FAM237A: variants seen among roughly 807,000 people sequenced by gnomAD.
FAM237A encodes the protein protein FAM237A.
Under a neutral mutation model 12.5 loss-of-function variants are expected in FAM237A, and 14 were observed. That is an observed-to-expected ratio of 1.12 (90% CI 0.74 to 1.75). The LOEUF (loss-of-function observed/expected upper bound fraction) is 1.75. FAM237A is among the 40% of genes most tolerant of loss of function. FAM237A has a pLI of 0.00. For missense variants in FAM237A, 240 were observed against 211.7 expected (o/e 1.13, Z -0.83); for synonymous variants, 85 against 77.5 (o/e 1.10, Z -0.51).
At chr2:206,647,200 T>C (rs1559300593) in intron 2 of FAM237A, among the ~76,000 whole-genome samples, 1 of 152,232 alleles carries the variant, frequency 6.6e-6, no homozygotes, top group Non-Finnish European at 1.5e-5. Context: ...CCATCAGTTC[T>C]TTCAACTGAA....
chr2:206,644,144 TA>T (rs1699286703), intron 1 of FAM237A, 82 bp from the exon 2 acceptor site: 1 of 1,245,318 alleles, frequency 8.0e-7, no homozygotes, highest in South Asian at 1.7e-5. Context: ...TTGCTGGAAG[TA>T]AGGTTATTAA....
chr2:206,643,889 A>G (rs1234303098), intron 1 of FAM237A, among the ~76,000 whole-genome samples: 2 of 152,208 alleles, frequency 1.3e-5, no homozygotes, highest in African/African-American at 4.8e-5. Context: ...CATGCAGCAA[A>G]ATTTTAAATG....
At chr2:206,643,453 T>C (rs1371076282) in intron 1 of FAM237A, 2 of 152,178 alleles carry the variant, frequency 1.3e-5, no homozygotes, top group Non-Finnish European at 1.5e-5. Context: ...AAGTGGTATG[T>C]AGATGACTCA....
chr2:206,643,327 G>A (rs1001254571), intron 1 of FAM237A: 3 of 152,130 alleles, frequency 2.0e-5, no homozygotes, highest in Non-Finnish European at 4.4e-5. Flanking sequence ...TGTATAGTCT[G>A]TGAAGGAATA....
At position 206,644,494 on chromosome 2, in the gene FAM237A, G is replaced by C. The variant is rs1409261590; in HGVS notation, c.258G>C (p.Lys86Asn). Residue 86 changes from lysine to asparagine, a missense_variant, in exon 2 of 3, where the codon AAG becomes AAC. Lys to Asn is a moderately conservative substitution (Grantham distance 94, BLOSUM62 0). Coordinates refer to ENST00000441223, the MANE Select transcript of FAM237A (RefSeq NM_001102659.3). The stretch of plus-strand genomic sequence containing the variant: ...ACCTGAAGTCATCTGAGAACTTGAA[G>C]CATGGAGCACTGTTTTGGGATCTGG... Reference protein sequence around the residue: ...MIYLKSSENLKHGALFWDLAQ... With the variant: ...MIYLKSSENLNHGALFWDLAQ... 6.2e-7 allele frequency: 1 copy of C among 1,614,036 alleles called. No homozygotes were observed.
rs767368341 is a variant in FAM237A at position 206,644,383 on chromosome 2, C to T, written c.147C>T (p.Cys49=). Residue 49 remains cysteine, a synonymous_variant, in exon 2 of 3, where the codon TGC becomes TGT. Coordinates refer to ENST00000441223, the MANE Select transcript of FAM237A (RefSeq NM_001102659.3). ...CTCTTAGCCAAGCTGATCCTCAGTG[C>T]TGGGAATCCTCCTCAGTGCTTCTCC... ...LLALSQADPQ[C]WESSSVLLLE... is the part of the protein sequence containing the mutation. 8.7e-6 allele frequency: 14 copies of T among 1,613,720 alleles called. No individual in the cohort carries two copies. Among genetic ancestry groups the T allele is most frequent in the Admixed American group, 3.3e-5 (2 of 59,976 alleles).
At chr2:206,646,823 T>A (rs555437716) in intron 2 of FAM237A, among the ~76,000 whole-genome samples, 1 of 152,320 alleles carries the variant, frequency 6.6e-6, no homozygotes, top group Admixed American at 6.5e-5. Flanking sequence ...CCTGCATGGA[T>A]CCTCCAATAT....
chr2:206,644,156 G>A (rs1699286861), intron 1 of FAM237A, 71 bp from the exon 2 acceptor site: 1 of 1,340,340 alleles, frequency 7.5e-7, no homozygotes, highest in Non-Finnish European at 1.0e-6. Flanking sequence ...AGGTTATTAA[G>A]GGCATACTTA....
In FAM237A at chr2:206,648,861, T is replaced by C; in HGVS notation, c.*67T>C. ...ATATATATAACATTTTTCTTAACTA[T>C]TGATTATTTATTTATTTTAAATGGT... On this transcript the variant is annotated 3_prime_UTR_variant, in exon 3 of 3. Coordinates refer to ENST00000441223, the MANE Select transcript of FAM237A (RefSeq NM_001102659.3). The C allele has an allele frequency of 8.3e-7, 1 of 1,211,110 alleles. No homozygotes were observed. The highest frequency in any genetic ancestry group is 1.1e-6 in the Non-Finnish European group (1 of 921,382). 75.0% of individuals were successfully genotyped at this position (1,211,110 alleles called of 1,614,324 possible). A position where few individuals can be genotyped will look rare whatever the true frequency, so the allele number is the denominator to read the frequency against.
chr2:206,649,364 C>T lies in FAM237A; in HGVS notation c.*570C>T, dbSNP rs918713479. On this transcript the variant is annotated 3_prime_UTR_variant, in exon 3 of 3. Coordinates refer to ENST00000441223, the MANE Select transcript of FAM237A (RefSeq NM_001102659.3). ...CAAAATTAATAAAAGCTCTGGACCC[C>T]AGGTAATGTTATTGGAGTCTCTTTA... is the stretch of plus-strand genomic sequence containing the variant. Among the ~76,000 whole-genome samples the T allele has an allele frequency of 3.9e-5, 6 of 152,150 alleles. No homozygotes were observed. The highest frequency in any genetic ancestry group is 1.4e-4 in the African/African-American group (6 of 41,436).
intron 2 of FAM237A, among the ~76,000 whole-genome samples, chr2:206,647,173 C>G (rs1444254830): frequency 1.3e-5 from 2 of 152,080 alleles, no homozygotes; most frequent in African/African-American, 4.8e-5. Context: ...TAACCGTGAG[C>G]AAGTTAACTA....
Position 206,642,795 on chromosome 2 carries a change from G to A in FAM237A, c.-11+213G>A, listed in dbSNP as rs1357838277. On this transcript the variant is annotated intron_variant, in intron 1 of 2. Transcript: ENST00000441223. This position sits in a 1 kb window ranked among gnomAD's most constrained non-coding sequence, Gnocchi z 5.1. Reference sequence around the variant, plus strand: ...AGGGGACCTAAAGGAGCCAATTTGAGCGCCGTGGCGCCAGCAGACAGGGAG... The same window carrying A: ...AGGGGACCTAAAGGAGCCAATTTGAACGCCGTGGCGCCAGCAGACAGGGAG... Among the ~76,000 whole-genome samples the A allele has an allele frequency of 6.6e-6, 1 of 152,220 alleles. No homozygotes were observed. The highest frequency in any genetic ancestry group is 1.5e-5 in the Non-Finnish European group (1 of 68,040).
chr2:206,644,452 C>G lies in FAM237A; in HGVS notation c.216C>G (p.Phe72Leu). ...KPRVSNTVSGFWDFMIYLKSS... is the reference protein window; with the variant it reads ...KPRVSNTVSGLWDFMIYLKSS... Reference sequence around the variant, plus strand: ...GCGTTTCCAACACTGTTTCAGGCTTCTGGGATTTTATGATCTACCTGAAGT... The same window carrying G: ...GCGTTTCCAACACTGTTTCAGGCTTGTGGGATTTTATGATCTACCTGAAGT... Residue 72 changes from phenylalanine (F) to leucine (L), a missense_variant, in exon 2 of 3, where the codon TTC becomes TTG. Transcript: ENST00000441223. The G allele has an allele frequency of 6.2e-7, 1 of 1,613,948 alleles. No individual in the cohort carries two copies. Among genetic ancestry groups the G allele is most frequent in the Non-Finnish European group, 8.5e-7 (1 of 1,179,868 alleles).
intron 2 of FAM237A, 91 bp downstream of exon 2, chr2:206,644,739 A>C: frequency 1.1e-5 from 14 of 1,225,962 alleles, no homozygotes; most frequent in Non-Finnish European, 1.6e-5. Flanking sequence ...CATTAGGGGA[A>C]TCCAGTGTCA....
chr2:206,647,668 G>C (rs3955321), intron 2 of FAM237A, among the ~76,000 whole-genome samples: 61,332 of 137,304 alleles, frequency 0.45, 13,088 homozygotes, highest in East Asian at 0.62. Flanking sequence ...CACACACACA[G>C]AGAGAGTGTG....
rs1559301048 is a variant in FAM237A at position 206,648,749 on chromosome 2, G to C, written c.501G>C (p.Gly167=). 6.4e-7 allele frequency: 1 copy of C among 1,556,834 alleles called. No homozygotes were observed. The highest frequency in any genetic ancestry group is 1.2e-5 in the South Asian group (1 of 83,120). The change falls in exon 3 of 3, where the codon GGG becomes GGC. Residue 167 remains glycine (G), a synonymous_variant. Coordinates refer to ENST00000441223, the MANE Select transcript of FAM237A (RefSeq NM_001102659.3). ...DLISMHVRRS[G]SSVIGKVNLE... ...TAAGCATGCATGTGCGTAGGAGTGGGTCTAGTGTCATTGGAAAAGTGAACC... is the reference window on the plus strand; with the variant it reads ...TAAGCATGCATGTGCGTAGGAGTGGCTCTAGTGTCATTGGAAAAGTGAACC...
At position 206,649,207 on chromosome 2, in the gene FAM237A, A is replaced by G. The variant is rs1182215740; in HGVS notation, c.*413A>G. On this transcript the variant is annotated 3_prime_UTR_variant, in exon 3 of 3. Coordinates refer to ENST00000441223, the MANE Select transcript of FAM237A (RefSeq NM_001102659.3). ...TATGCACAGGCACATAAGGGACTACATTTTGGAATTACTAGTTACTGACAA... is the reference window on the plus strand; with the variant it reads ...TATGCACAGGCACATAAGGGACTACGTTTTGGAATTACTAGTTACTGACAA... 1.3e-5 allele frequency among the ~76,000 whole-genome samples: 2 copies of G among 152,192 alleles called. No homozygotes were observed. The highest frequency in any genetic ancestry group is 6.5e-5 in the Admixed American group (1 of 15,280).
At chr2:206,647,476 T>C (rs1699330851) in intron 2 of FAM237A, among the ~76,000 whole-genome samples, 1 of 152,120 alleles carries the variant, frequency 6.6e-6, no homozygotes, top group Non-Finnish European at 1.5e-5. Context: ...CTAAAGATCA[T>C]TGTTATTTAG....
intron 2 of FAM237A, among the ~76,000 whole-genome samples, chr2:206,645,333 G>A (rs1384124602): frequency 1.3e-5 from 2 of 152,200 alleles, no homozygotes; most frequent in Non-Finnish European, 2.9e-5. Flanking sequence ...AGTCTCGTCT[G>A]AGGGTACAGA....
Sources: gnomAD v4.1 joint callset for allele counts (sites outside exome capture counted in the v4.1 genomes callset) on GRCh38, gnomAD v4.1.1 for gene constraint, Gnocchi (gnomAD v3.1) non-coding constraint, MANE v1.5 for transcripts, NCBI Gene and HGNC (gene_info 2026-07-23, HGNC 2026-07-21) for gene names.